Variants in MYOM2 observed in about 807,000 individuals in gnomAD.
The protein encoded by MYOM2 is myomesin-2.
A neutral mutation model predicts 187.6 loss-of-function variants in MYOM2; 254 were observed. The observed-to-expected ratio is 1.35, with a 90% CI of 1.22 to 1.50. The LOEUF is 1.50. Among genes scored for constraint, MYOM2 ranks in the 40% most tolerant of loss-of-function variants. MYOM2 has a pLI of 0.00. For missense variants in MYOM2, 2,796 were observed against 1,924.0 expected (o/e 1.45, Z -8.48); for synonymous variants, 981 against 753.8 (o/e 1.30, Z -4.94).
At position 2,059,177 on chromosome 8, in the gene MYOM2, C is replaced by T; in HGVS notation, c.585C>T (p.Cys195=). ...VQWYKDGSLI[C]QAAEPGKYRI... ...GGTACAAAGATGGCAGTCTGATTTG[C>T]CAGGCGGCTGAACCGGGAAAGTACA... The change falls in exon 6 of 37, where the codon TGC becomes TGT. Residue 195 remains cysteine, a synonymous_variant. Transcript: ENST00000262113. 1 of 1,614,104 alleles carries T rather than the reference C, an allele frequency of 6.2e-7. No individual in the cohort carries two copies. Among genetic ancestry groups the T allele is most frequent in the Non-Finnish European group, 8.5e-7 (1 of 1,180,006 alleles).
chr8:2,084,970 C>T, intron 13 of MYOM2: 1 of 372,974 alleles, frequency 2.7e-6, no homozygotes, highest in Non-Finnish European at 4.8e-6. Flanking sequence ...TGCCTGGTTT[C>T]TTCTGGTAAA....
chr8:2,093,498 A>G (rs1796377955), intron 16 of MYOM2, among the ~76,000 whole-genome samples: 1 of 152,180 alleles, frequency 6.6e-6, no homozygotes, highest in Non-Finnish European at 1.5e-5. Flanking sequence ...TACAAATAGA[A>G]AAACAAAGTC....
rs115334447 is a variant in MYOM2, at chr8:2,116,531, A to G, written c.3385+256A>G. Among the ~76,000 whole-genome samples, 528 of 152,338 alleles carry G rather than the reference A, an allele frequency of 3.5e-3. 3 individuals are homozygous for G. The highest frequency in any genetic ancestry group is 0.012 in the African/African-American group (509 of 41,576). On this transcript the variant is annotated intron_variant, in intron 27 of 36. Coordinates refer to ENST00000262113, the MANE Select transcript of MYOM2 (RefSeq NM_003970.4). ...AATGAAAAGAATAAAGAATGGGGGT[A>G]GAGGAGGTGGTGGCTTCATTTGGCT...
intron 6 of MYOM2, among the ~76,000 whole-genome samples, chr8:2,068,268 G>C (rs1240754987): frequency 6.6e-6 from 1 of 151,552 alleles, no homozygotes; most frequent in Non-Finnish European, 1.5e-5. Flanking sequence ...CAATGCCTGT[G>C]TGCACCAGGC....
At chr8:2,087,314 T>C (rs1301387752) in intron 14 of MYOM2, among the ~76,000 whole-genome samples, 1 of 152,174 alleles carries the variant, frequency 6.6e-6, no homozygotes, top group African/African-American at 2.4e-5. Flanking sequence ...CACCACTCAA[T>C]GCAGCATGGC....
intron 32 of MYOM2, among the ~76,000 whole-genome samples, chr8:2,131,538 G>A (rs1303125757): frequency 6.6e-6 from 1 of 151,892 alleles, no homozygotes; most frequent in Non-Finnish European, 1.5e-5. Context: ...TACAAAAAGA[G>A]AAGGAGGTGT....
intron 23 of MYOM2, among the ~76,000 whole-genome samples, chr8:2,108,163 G>T (rs1159067546): frequency 6.6e-6 from 1 of 152,198 alleles, no homozygotes; most frequent in Non-Finnish European, 1.5e-5. Flanking sequence ...TTTTAAGAAG[G>T]AAGGAGAGAA....
intron 23 of MYOM2, among the ~76,000 whole-genome samples, chr8:2,107,772 C>G (rs1183790950): frequency 6.6e-6 from 1 of 152,180 alleles, no homozygotes; most frequent in South Asian, 2.1e-4. Flanking sequence ...TTGGCCCTGC[C>G]TCCAGGGTCT....
intron 18 of MYOM2, 115 bp from the exon 19 acceptor site, chr8:2,098,742 C>T: frequency 4.2e-6 from 5 of 1,196,520 alleles, no homozygotes; most frequent in Non-Finnish European, 5.7e-6. Flanking sequence ...AATTTCCCGA[C>T]AAGGTTCCTT....
chr8:2,102,615 A>C (rs1203830031), intron 20 of MYOM2, 52 bp from the exon 21 acceptor site: 1 of 1,298,524 alleles, frequency 7.7e-7, no homozygotes, highest in Non-Finnish European at 1.1e-6. Context: ...AAAACTCCAC[A>C]GTCATCTTTA....
At chr8:2,127,321 C>T (rs907393630) in intron 31 of MYOM2, among the ~76,000 whole-genome samples, 4 of 151,930 alleles carry the variant, frequency 2.6e-5, no homozygotes, top group African/African-American at 7.2e-5. Flanking sequence ...TTTTCAATAA[C>T]CCTCCTGTCT....
chr8:2,055,257 A>G (rs1340125785), intron 3 of MYOM2, among the ~76,000 whole-genome samples: 2 of 152,188 alleles, frequency 1.3e-5, no homozygotes. Context: ...ATGCACATGC[A>G]TGTGCTTATA....
At chr8:2,094,467 C>T (rs1219454588) in intron 17 of MYOM2, among the ~76,000 whole-genome samples, 1 of 152,112 alleles carries the variant, frequency 6.6e-6, no homozygotes, top group African/African-American at 2.4e-5. Context: ...TCCTGGCCAA[C>T]AAGGTGAAAC....
rs763212505 is a variant in MYOM2, at chr8:2,090,067, G to T, written c.1704G>T (p.Pro568=). Residue 568 remains proline (P), a synonymous_variant, in exon 15 of 37, where the codon CCG becomes CCT. Transcript: ENST00000262113. ...RVNAQTAVRS[P]RYAVFDLMEG... ...ACGCCCAGACGGCTGTGAGATCCCCGAGATATGCCGTGTTTGACCTCATGG... is the reference window on the plus strand; with the variant it reads ...ACGCCCAGACGGCTGTGAGATCCCCTAGATATGCCGTGTTTGACCTCATGG... The T allele has an allele frequency of 1.9e-6, 3 of 1,614,058 alleles. No individual in the cohort carries two copies. Among genetic ancestry groups the T allele is most frequent in the Non-Finnish European group, 2.5e-6 (3 of 1,180,010 alleles).
In MYOM2 at chr8:2,072,488, C is replaced by A; in HGVS notation, c.937C>A (p.Arg313Ser). Residue 313 changes from arginine to serine, a missense_variant, in exon 9 of 37, where the codon CGC (arginine) becomes AGC (serine). Coordinates refer to ENST00000262113, the MANE Select transcript of MYOM2 (RefSeq NM_003970.4). Reference protein sequence around the residue: ...VTPDLKRVQPRAEWYRDDVLL... With the variant: ...VTPDLKRVQPSAEWYRDDVLL... The stretch of plus-strand genomic sequence containing the variant: ...GCCGGACCTGAAGCGGGTGCAGCCG[C>A]GCGCCGAGTGGTACCGCGATGGTGA... The A allele has an allele frequency of 6.2e-7, 1 of 1,613,670 alleles. No homozygotes were observed. The highest frequency in any genetic ancestry group is 1.3e-5 in the African/African-American group (1 of 75,066).
chr8:2,119,246 G>A (rs1028280796), intron 28 of MYOM2: 1 of 152,322 alleles, frequency 6.6e-6, no homozygotes, highest in Non-Finnish European at 1.5e-5. Flanking sequence ...CATGACGCAA[G>A]TGGGTCAAGC....
intron 28 of MYOM2, 59 bp downstream of exon 28, chr8:2,118,011 G>C: frequency 6.8e-7 from 1 of 1,460,050 alleles, no homozygotes; most frequent in East Asian, 2.3e-5. Context: ...CTATCAGAGA[G>C]GCCTTTCAGG....
chr8:2,079,504 G>C (rs569593637), intron 12 of MYOM2, 56 bp from the exon 13 acceptor site: 3 of 1,567,054 alleles, frequency 1.9e-6, no homozygotes, highest in Non-Finnish European at 2.6e-6. Context: ...GAGGGAAAAC[G>C]GGCTTTTGGG....
chr8:2,116,981 T>C (rs1797269830), intron 27 of MYOM2, among the ~76,000 whole-genome samples: 1 of 152,178 alleles, frequency 6.6e-6, no homozygotes, highest in South Asian at 2.1e-4. Context: ...ACCAGGATGG[T>C]CTCGATCTCC....
Sources: allele counts gnomAD v4.1 joint callset (sites outside exome capture counted in the v4.1 genomes callset), GRCh38; gene constraint gnomAD v4.1.1; transcripts MANE v1.5; gene names NCBI Gene and HGNC (gene_info 2026-07-23, HGNC 2026-07-21).